Variants in SDK1 observed in about 807,000 individuals in gnomAD.
The protein encoded by SDK1 is protein sidekick-1.
Under a neutral mutation model 245.5 loss-of-function variants are expected in SDK1, and 157 were observed. The observed-to-expected ratio is 0.64, with a 90% CI of 0.56 to 0.73. SDK1 has a LOEUF of 0.73. SDK1 is among the 30% of genes least tolerant of loss of function. The pLI is 0.00. For synonymous variants in SDK1, 1,647 were observed against 1,278.5 expected (o/e 1.29, Z -6.15); for missense variants, 3,583 against 3,002.3 (o/e 1.19, Z -4.52).
At chr7:3,351,824 A>C (rs959916595) in intron 1 of SDK1, among the ~76,000 whole-genome samples, 1 of 152,176 alleles carries the variant, frequency 6.6e-6, no homozygotes, top group Non-Finnish European at 1.5e-5. Flanking sequence ...GAATAGTACA[A>C]CTTGCAGACA....
chr7:3,864,215 C>T (rs962511044), intron 5 of SDK1, among the ~76,000 whole-genome samples: 7 of 152,182 alleles, frequency 4.6e-5, no homozygotes, highest in Non-Finnish European at 8.8e-5. Context: ...TATGTTTACA[C>T]ATAGAAGAAA....
intron 34 of SDK1, among the ~76,000 whole-genome samples, chr7:4,177,890 G>C (rs1269031064): frequency 6.6e-6 from 1 of 152,240 alleles, no homozygotes; most frequent in Non-Finnish European, 1.5e-5. Flanking sequence ...GACAGCGACA[G>C]ATCATCAGGC....
chr7:3,657,959 A>G (rs1467323700), intron 4 of SDK1, among the ~76,000 whole-genome samples: 2 of 152,180 alleles, frequency 1.3e-5, no homozygotes, highest in African/African-American at 4.8e-5. Flanking sequence ...GTGAATGTTT[A>G]TGACAAAGTG....
chr7:4,091,649 A>G (rs1781810961), intron 22 of SDK1, among the ~76,000 whole-genome samples: 1 of 152,072 alleles, frequency 6.6e-6, no homozygotes, highest in East Asian at 1.9e-4. Context: ...GCCAACAGCA[A>G]GGTATGCTTT....
At chr7:3,601,850 C>A (rs1464583676) in intron 1 of SDK1, among the ~76,000 whole-genome samples, 1 of 140,440 alleles carries the variant, frequency 7.1e-6, no homozygotes. Context: ...ACAACAGTCC[C>A]CAGTGTGTGA....
chr7:3,971,900 G>A (rs1309704253), intron 12 of SDK1, among the ~76,000 whole-genome samples: 1 of 152,080 alleles, frequency 6.6e-6, no homozygotes, highest in Non-Finnish European at 1.5e-5. Flanking sequence ...GGATCGACTA[G>A]GATTCAGCAT....
chr7:4,220,751 C>G (rs1351592383), intron 39 of SDK1, among the ~76,000 whole-genome samples: 1 of 151,986 alleles, frequency 6.6e-6, no homozygotes, highest in Non-Finnish European at 1.5e-5. Flanking sequence ...CCAGCTCTTT[C>G]AGGCCCTCTT....
intron 1 of SDK1, among the ~76,000 whole-genome samples, chr7:3,312,010 C>T (rs904794863): frequency 1.3e-5 from 2 of 152,126 alleles, no homozygotes; most frequent in African/African-American, 4.8e-5. Flanking sequence ...CCTTGAAGGG[C>T]TTTTCCATCT....
At chr7:3,929,849 C>T (rs756564758) in intron 5 of SDK1, among the ~76,000 whole-genome samples, 1 of 152,170 alleles carries the variant, frequency 6.6e-6, no homozygotes, top group Non-Finnish European at 1.5e-5. Flanking sequence ...GAAGCTGGCT[C>T]ACAGTCATGC....
At chr7:3,899,337 A>G (rs925045222) in intron 5 of SDK1, among the ~76,000 whole-genome samples, 1 of 152,062 alleles carries the variant, frequency 6.6e-6, no homozygotes, top group Non-Finnish European at 1.5e-5. Flanking sequence ...ATATCTCCCC[A>G]TCATCTACAG....
chr7:4,185,301 G>T (rs368763454), intron 35 of SDK1, among the ~76,000 whole-genome samples: 5 of 152,306 alleles, frequency 3.3e-5, no homozygotes, highest in Non-Finnish European at 7.4e-5. Context: ...CCCAGCCAGA[G>T]TTCTGGGCCC....
intron 1 of SDK1, among the ~76,000 whole-genome samples, chr7:3,536,950 A>G (rs1260828607): frequency 2.6e-5 from 4 of 152,304 alleles, no homozygotes; most frequent in African/African-American, 9.6e-5. Context: ...TAAATCACAC[A>G]TCATTAAAAA....
intron 5 of SDK1, among the ~76,000 whole-genome samples, chr7:3,927,342 G>T (rs1424322079): frequency 6.6e-6 from 1 of 152,034 alleles, no homozygotes; most frequent in Non-Finnish European, 1.5e-5. Context: ...TTTTTCATTA[G>T]GTATTTTGGA....
intron 1 of SDK1, among the ~76,000 whole-genome samples, chr7:3,304,325 T>C (rs1223008309): frequency 6.6e-6 from 1 of 152,236 alleles, no homozygotes; most frequent in African/African-American, 2.4e-5. Context: ...ATGCTTTCTT[T>C]ATGCCATCCA....
chr7:3,445,913 C>A (rs1344429678), intron 1 of SDK1, among the ~76,000 whole-genome samples: 2 of 151,558 alleles, frequency 1.3e-5, no homozygotes, highest in Admixed American at 6.6e-5. Flanking sequence ...TTTCAACTTT[C>A]TTTACATATT....
At chr7:4,100,293 G>A (rs1439611945) in intron 22 of SDK1, among the ~76,000 whole-genome samples, 1 of 152,172 alleles carries the variant, frequency 6.6e-6, no homozygotes, top group Non-Finnish European at 1.5e-5. Flanking sequence ...GGGCCATGGG[G>A]GGCAGACATG....
chr7:3,895,890 C>A (rs1781592280), intron 5 of SDK1, among the ~76,000 whole-genome samples: 1 of 152,162 alleles, frequency 6.6e-6, no homozygotes, highest in African/African-American at 2.4e-5. Flanking sequence ...TGGCGATTTT[C>A]CAGATAACTT....
rs200869941 is a variant in SDK1 at position 4,175,835 on chromosome 7, G to T, written c.4996+1G>T. Reference sequence around the variant, plus strand: ...ACATCGACGATGTGTGAACTAACACGTAAGTGCGCTCTCAGCGGGAGGCCC... The same window carrying T: ...ACATCGACGATGTGTGAACTAACACTTAAGTGCGCTCTCAGCGGGAGGCCC... On this transcript the variant is annotated splice_donor_variant, in intron 34 of 44. Coordinates refer to ENST00000404826, the MANE Select transcript of SDK1 (RefSeq NM_152744.4). LOFTEE classifies it high-confidence loss of function. The T allele has an allele frequency of 6.2e-7, 1 of 1,612,826 alleles. No individual in the cohort carries two copies. The highest frequency in any genetic ancestry group is 8.5e-7 in the Non-Finnish European group (1 of 1,179,632).
intron 4 of SDK1, among the ~76,000 whole-genome samples, chr7:3,816,293 C>T (rs199721673): frequency 1.3e-5 from 2 of 151,718 alleles, no homozygotes; most frequent in African/African-American, 4.9e-5. Context: ...TTCAAAAACT[C>T]AATGAATCCA....
Sources: gnomAD v4.1 joint callset for allele counts (sites outside exome capture counted in the v4.1 genomes callset) on GRCh38, gnomAD v4.1.1 for gene constraint, MANE v1.5 for transcripts, NCBI Gene and HGNC (gene_info 2026-07-23, HGNC 2026-07-21) for gene names.